COL8A1: variants seen among roughly 807,000 people sequenced by gnomAD.
COL8A1 encodes collagen type VIII alpha 1 chain.
A neutral mutation model predicts 42.7 loss-of-function variants in COL8A1; 21 were observed. That is an observed-to-expected ratio of 0.49 (90% CI 0.35 to 0.71). The LOEUF (loss-of-function observed/expected upper bound fraction) is 0.71. Ranked by LOEUF, COL8A1 falls within the 30% of genes least tolerant of loss-of-function variation. COL8A1 has a pLI of 0.01. For missense variants in COL8A1, 788 were observed against 962.4 expected, an observed-to-expected ratio of 0.82 and a Z score of 2.40; for synonymous variants, 367 against 369.1, an observed-to-expected ratio of 0.99 and a Z score of 0.06.
chr3:99,757,605 A>G (rs1941279627), intron 2 of COL8A1, among the ~76,000 whole-genome samples: 1 of 152,160 alleles, frequency 6.6e-6, no homozygotes, highest in Non-Finnish European at 1.5e-5. Context: ...AACTTATATC[A>G]GTTCATTTAC....
intron 2 of COL8A1, among the ~76,000 whole-genome samples, chr3:99,745,737 A>G (rs1941011701): frequency 6.6e-6 from 1 of 152,196 alleles, no homozygotes; most frequent in Non-Finnish European, 1.5e-5. Flanking sequence ...GCAAAAAATA[A>G]TAACAGCATG....
At chr3:99,743,223 G>C (rs1364570921) in intron 1 of COL8A1, among the ~76,000 whole-genome samples, 2 of 152,196 alleles carry the variant, frequency 1.3e-5, no homozygotes, top group Non-Finnish European at 2.9e-5. Context: ...GAGTGGACTA[G>C]AAAGTCAAGC....
chr3:99,729,486 ATTAAGG>A (rs1384907047), intron 1 of COL8A1, among the ~76,000 whole-genome samples: 1 of 151,998 alleles, frequency 6.6e-6, no homozygotes, highest in Non-Finnish European at 1.5e-5. Flanking sequence ...GAAAAGGAAA[ATTAAGG>A]TCTCTCTAAA....
chr3:99,672,090 G>A lies in COL8A1; in HGVS notation c.-129+33426G>A, dbSNP rs535170143. Among the ~76,000 whole-genome samples the A allele has an allele frequency of 2.0e-5, 3 of 152,094 alleles. No individual in the cohort carries two copies. In the East Asian group the frequency reaches 5.8e-4, roughly 29 times the overall value. On this transcript the variant is annotated intron_variant, in intron 1 of 3. Coordinates refer to ENST00000652472, the MANE Select transcript of COL8A1 (RefSeq NM_020351.4). ...AGCTTTTAACAGAGAACAGACACAA[G>A]CAATCTAGAACTGGTGAAACCTGAA...
chr3:99,669,150 G>T (rs905202515), intron 1 of COL8A1, among the ~76,000 whole-genome samples: 84 of 100,280 alleles, frequency 8.4e-4, no homozygotes, highest in Admixed American at 1.4e-3. Context: ...TATATATAGA[G>T]GGAGAGAGAG....
chr3:99,737,516 G>A (rs1022730559), intron 1 of COL8A1, among the ~76,000 whole-genome samples: 1 of 151,972 alleles, frequency 6.6e-6, no homozygotes, highest in Admixed American at 6.6e-5. Context: ...GAAATTCTGG[G>A]TTGAAAATTC....
At chr3:99,642,195 C>A (rs1430562601) in intron 1 of COL8A1, among the ~76,000 whole-genome samples, 1 of 152,148 alleles carries the variant, frequency 6.6e-6, no homozygotes, top group African/African-American at 2.4e-5. Flanking sequence ...CATTTCAACA[C>A]AAACAGAGAA....
chr3:99,676,265 A>C (rs2107318328), intron 1 of COL8A1, among the ~76,000 whole-genome samples: 1 of 152,260 alleles, frequency 6.6e-6, no homozygotes, highest in East Asian at 1.9e-4. Context: ...CCAATTTCAC[A>C]CAACATTCCC....
intron 2 of COL8A1, among the ~76,000 whole-genome samples, chr3:99,777,558 A>G (rs562694388): frequency 2.0e-5 from 3 of 152,236 alleles, no homozygotes. Flanking sequence ...TTAAAGGAAT[A>G]CAAGGAAAGC....
chr3:99,655,113 A>G (rs1937976366), intron 1 of COL8A1, among the ~76,000 whole-genome samples: 1 of 152,174 alleles, frequency 6.6e-6, no homozygotes, highest in African/African-American at 2.4e-5. Context: ...GGGAATGTGA[A>G]AACCCCTTTC....
intron 1 of COL8A1, among the ~76,000 whole-genome samples, chr3:99,744,423 A>T (rs1940977441): frequency 6.6e-6 from 1 of 152,220 alleles, no homozygotes; most frequent in Admixed American, 6.5e-5. Flanking sequence ...TCATATGAAA[A>T]CATAAAAGTG....
chr3:99,671,625 T>C (rs917528704), intron 1 of COL8A1, among the ~76,000 whole-genome samples: 2 of 152,006 alleles, frequency 1.3e-5, no homozygotes, highest in Non-Finnish European at 2.9e-5. Flanking sequence ...TAACCACTAT[T>C]TTACTCTGTT....
intron 2 of COL8A1, among the ~76,000 whole-genome samples, chr3:99,746,646 A>G (rs1249726074): frequency 1.3e-5 from 2 of 152,254 alleles, no homozygotes; most frequent in African/African-American, 4.8e-5. Context: ...CATTTTATTG[A>G]ACTTTTAAGA....
chr3:99,665,936 C>T (rs1366351855), intron 1 of COL8A1, among the ~76,000 whole-genome samples: 2 of 151,714 alleles, frequency 1.3e-5, no homozygotes, highest in African/African-American at 4.8e-5. Context: ...AGTGATCTGC[C>T]CGCCTCGGAC....
chr3:99,741,335 A>T (rs1268247069), intron 1 of COL8A1, among the ~76,000 whole-genome samples: 2 of 152,102 alleles, frequency 1.3e-5, no homozygotes, highest in East Asian at 3.9e-4. Context: ...CTGTTTTTTA[A>T]TTCTTGCAAA....
intron 1 of COL8A1, among the ~76,000 whole-genome samples, chr3:99,641,155 T>C (rs982655866): frequency 6.6e-6 from 1 of 151,800 alleles, no homozygotes; most frequent in Non-Finnish European, 1.5e-5. Context: ...GAGAAGAGGA[T>C]TGGGGTGAAA....
chr3:99,673,625 T>C (rs146582161), intron 1 of COL8A1, among the ~76,000 whole-genome samples: 8 of 152,222 alleles, frequency 5.3e-5, no homozygotes, highest in Admixed American at 2.6e-4. Context: ...TCTTGTTTTT[T>C]ATTATTTTAT....
chr3:99,659,892 C>T lies in COL8A1; in HGVS notation c.-129+21228C>T, dbSNP rs561148432. On this transcript the variant is annotated intron_variant, in intron 1 of 3. Transcript: ENST00000652472. Reference sequence around the variant, plus strand: ...AGTCAGCGTACTGCACCTTAAATTCCCTATGAACCAGAATATATGTGATGT... The same window carrying T: ...AGTCAGCGTACTGCACCTTAAATTCTCTATGAACCAGAATATATGTGATGT... Among the ~76,000 whole-genome samples, 134 of 152,200 alleles carry T rather than the reference C, an allele frequency of 8.8e-4. 3 individuals are homozygous for T. In the South Asian group the frequency reaches 0.026, roughly 29 times the overall value.
At chr3:99,713,703 G>A (rs1270429638) in intron 1 of COL8A1, among the ~76,000 whole-genome samples, 1 of 152,014 alleles carries the variant, frequency 6.6e-6, no homozygotes, top group Admixed American at 6.6e-5. Context: ...TCAAGGAGCA[G>A]TGGTATTGTT....
Sources: allele counts gnomAD v4.1 joint callset (sites outside exome capture counted in the v4.1 genomes callset), GRCh38; gene constraint gnomAD v4.1.1; transcripts MANE v1.5; gene names NCBI Gene and HGNC (gene_info 2026-07-23, HGNC 2026-07-21).